SYN2: variants seen among roughly 807,000 people sequenced by gnomAD.
SYN2 encodes synapsin-2.
In SYN2, 19 loss-of-function variants were observed where a neutral mutation model predicts 50.9. That is an observed-to-expected ratio of 0.37 (90% CI 0.26 to 0.55). The LOEUF is 0.55. Among genes scored for constraint, SYN2 ranks in the 20% least tolerant of loss-of-function variants. SYN2 has a pLI of 0.81. For missense variants in SYN2, 587 were observed against 576.4 expected (o/e 1.02, Z -0.19); for synonymous variants, 255 against 224.9 (o/e 1.13, Z -1.20).
chr3:12,119,242 A>G (rs776187192), intron 1 of SYN2, among the ~76,000 whole-genome samples: 11 of 151,658 alleles, frequency 7.3e-5, no homozygotes, highest in Non-Finnish European at 1.6e-4. Context: ...AACAATAACA[A>G]CTCTTCTGGC....
intron 5 of SYN2, chr3:12,154,559 T>A: frequency 8.1e-7 from 1 of 1,242,176 alleles, no homozygotes; most frequent in Non-Finnish European, 1.1e-6. Flanking sequence ...ATGACTTTGG[T>A]GGCAGTGGTG....
chr3:12,113,664 A>G (rs1559425193), intron 1 of SYN2, among the ~76,000 whole-genome samples: 1 of 152,172 alleles, frequency 6.6e-6, no homozygotes, highest in Non-Finnish European at 1.5e-5. Context: ...TTATGGATTA[A>G]CTTATTCTAA....
intron 1 of SYN2, among the ~76,000 whole-genome samples, chr3:12,060,815 C>A (rs1294859970): frequency 6.6e-6 from 1 of 152,154 alleles, no homozygotes; most frequent in Non-Finnish European, 1.5e-5. Context: ...ATTCCCAATA[C>A]ATCATGTCTG....
intron 4 of SYN2, 99 bp downstream of exon 4, chr3:12,145,934 CAGGAGGGTCCCTACATCTTCCAGGCCCCT>C (rs1432349873): frequency 6.6e-7 from 1 of 1,524,476 alleles, no homozygotes; most frequent in Non-Finnish European, 8.9e-7. Context: ...GCCCCAGCCC[CAGGAGGGTCCCTACATCTTCCAGGCCCCT>C]AGGAGGGTCC....
At chr3:12,119,080 T>A (rs531954321) in intron 1 of SYN2, among the ~76,000 whole-genome samples, 1 of 152,352 alleles carries the variant, frequency 6.6e-6, no homozygotes, top group South Asian at 2.1e-4. Context: ...CCATTTTTCC[T>A]GCTTTTCAGT....
intron 6 of SYN2, chr3:12,161,809 C>G: frequency 1.0e-6 from 1 of 974,194 alleles, no homozygotes; most frequent in Non-Finnish European, 1.5e-6. Flanking sequence ...GCTTGGTCCT[C>G]TGGGTCCTTT....
chr3:12,138,038 C>G (rs1043690043), intron 1 of SYN2, among the ~76,000 whole-genome samples: 1 of 152,194 alleles, frequency 6.6e-6, no homozygotes, highest in African/African-American at 2.4e-5. Flanking sequence ...CCTCTGGATT[C>G]TAGCACACTG....
intron 1 of SYN2, among the ~76,000 whole-genome samples, chr3:12,068,230 A>AT (rs5846743): frequency 0.98 from 148,484 of 152,252 alleles, 72,434 homozygotes; most frequent in East Asian, 1. Context: ...TCTTTATACT[A>AT]CCTTGTACTT....
At chr3:12,090,983 T>C (rs1695812743) in intron 1 of SYN2, among the ~76,000 whole-genome samples, 1 of 152,238 alleles carries the variant, frequency 6.6e-6, no homozygotes, top group Non-Finnish European at 1.5e-5. Context: ...TAGTTAGTTT[T>C]AATATCAGCA....
intron 1 of SYN2, among the ~76,000 whole-genome samples, chr3:12,022,724 T>C (rs1370546441): frequency 6.6e-6 from 1 of 151,552 alleles, no homozygotes; most frequent in Non-Finnish European, 1.5e-5. Context: ...TTAAATTTTT[T>C]TTTTGTAGAG....
chr3:12,168,802 T>C (rs561760142), intron 9 of SYN2, among the ~76,000 whole-genome samples: 52 of 152,268 alleles, frequency 3.4e-4, no homozygotes, highest in African/African-American at 1.2e-3. Context: ...CATGAGCATG[T>C]GCCCAAGACC....
At chr3:12,057,291 G>C (rs438503) in intron 1 of SYN2, among the ~76,000 whole-genome samples, 4,826 of 34,630 alleles carry the variant, frequency 0.14, 108 homozygotes, top group Middle Eastern at 0.42. Context: ...GACTGTCTGT[G>C]TGTGTGTGTG....
At chr3:12,104,472 A>G (rs537425865) in intron 1 of SYN2, among the ~76,000 whole-genome samples, 1 of 152,130 alleles carries the variant, frequency 6.6e-6, no homozygotes, top group East Asian at 1.9e-4. Flanking sequence ...AATGTGATTA[A>G]TATGTATGAT....
At chr3:12,021,123 G>A (rs1694125825) in intron 1 of SYN2, among the ~76,000 whole-genome samples, 1 of 152,032 alleles carries the variant, frequency 6.6e-6, no homozygotes, top group East Asian at 1.9e-4. Context: ...CATGGCTAAT[G>A]TACCATGATT....
At chr3:12,183,531 G>T in intron 11 of SYN2, 159 bp downstream of exon 11, 1 of 1,548,880 alleles carries the variant, frequency 6.5e-7, no homozygotes, top group Non-Finnish European at 8.7e-7. Context: ...CCTCCCACTG[G>T]TGCCGTTGCT....
In SYN2 at chr3:12,187,409, G is replaced by A; in HGVS notation, c.1410G>A (p.Lys470=). The part of the protein sequence containing the change: ...GQPQGMQPPG[K]VLPPRRLPPG... ...CCCAAGGAATGCAGCCCCCAGGCAAGGTGCTGCCTCCACGCCGGCTCCCCC... is the reference window on the plus strand; with the variant it reads ...CCCAAGGAATGCAGCCCCCAGGCAAAGTGCTGCCTCCACGCCGGCTCCCCC... The change falls in exon 12 of 13, where the codon AAG becomes AAA. Residue 470 remains lysine (K), a synonymous_variant. Transcript: ENST00000621198. 1 of 1,550,740 alleles carries A rather than the reference G, an allele frequency of 6.4e-7. No individual in the cohort carries two copies. The highest frequency in any genetic ancestry group is 1.7e-4 in the Middle Eastern group (1 of 5,988).
chr3:12,177,387 A>G (rs1418434958), intron 10 of SYN2, among the ~76,000 whole-genome samples: 1 of 152,180 alleles, frequency 6.6e-6, no homozygotes, highest in Non-Finnish European at 1.5e-5. Context: ...TTCTTCTCCC[A>G]GTGTGGCCCA....
chr3:12,172,486 A>C (rs1189672668), intron 10 of SYN2, among the ~76,000 whole-genome samples: 2 of 152,240 alleles, frequency 1.3e-5, no homozygotes, highest in Non-Finnish European at 2.9e-5. Context: ...AAACTAAGCC[A>C]AAGGAAGATG....
intron 7 of SYN2, among the ~76,000 whole-genome samples, chr3:12,163,037 A>G (rs926642980): frequency 2.6e-5 from 4 of 151,930 alleles, no homozygotes; most frequent in South Asian, 2.1e-4. Flanking sequence ...TCAGGAGATC[A>G]AGACCATCCT....
Sources: gnomAD v4.1 joint callset for allele counts (sites outside exome capture counted in the v4.1 genomes callset) on GRCh38, gnomAD v4.1.1 for gene constraint, MANE v1.5 for transcripts, NCBI Gene and HGNC (gene_info 2026-07-23, HGNC 2026-07-21) for gene names.